The following CSTPP1 variants were observed in gnomAD, a reference collection of about 807,000 sequenced individuals.
CSTPP1 encodes UPF0705 protein C11orf49.
At chr11:46,991,196 GTTT>G in the CSTPP1 span, among the ~76,000 whole-genome samples, 1 of 136,226 alleles carries the variant, frequency 7.3e-6, no homozygotes. Context: ...CTTGAACATA[GTTT>G]TTTTTTTTTT....
chr11:47,065,975 A>AG, the CSTPP1 span, among the ~76,000 whole-genome samples: 3 of 34,940 alleles, frequency 8.6e-5, no homozygotes, highest in South Asian at 3.0e-3. Context: ...TAGGTCTAAC[A>AG]GTTGTGTGTG....
At chr11:47,090,141 C>T in the CSTPP1 span, among the ~76,000 whole-genome samples, 1 of 152,092 alleles carries the variant, frequency 6.6e-6, no homozygotes, top group Non-Finnish European at 1.5e-5. Flanking sequence ...GCCACCATGC[C>T]CAGCTAATTT....
chr11:47,102,183 A>G, the CSTPP1 span, among the ~76,000 whole-genome samples: 395 of 152,312 alleles, frequency 2.6e-3, no homozygotes, highest in African/African-American at 9.1e-3. Context: ...ACTGCCAAAA[A>G]GTAAGCCATT....
the CSTPP1 span, among the ~76,000 whole-genome samples, chr11:47,102,349 C>T: frequency 6.6e-6 from 1 of 150,928 alleles, no homozygotes; most frequent in Admixed American, 6.6e-5. Flanking sequence ...TTTGATGGTT[C>T]ACTTTGGGAG....
the CSTPP1 span, chr11:47,161,226 G>T: frequency 1.9e-6 from 3 of 1,614,088 alleles, no homozygotes; most frequent in Non-Finnish European, 2.5e-6. Flanking sequence ...CCCCCTTGTG[G>T]GGGCCAGACG....
the CSTPP1 span, among the ~76,000 whole-genome samples, chr11:46,948,690 A>C: frequency 3.9e-5 from 6 of 152,206 alleles, no homozygotes; most frequent in African/African-American, 1.4e-4. Context: ...CATCATTTAC[A>C]ATGCTGGTGC....
chr11:47,048,197 G>A, the CSTPP1 span, among the ~76,000 whole-genome samples: 11,910 of 152,260 alleles, frequency 0.078, 489 homozygotes, highest in Non-Finnish European at 0.089. Context: ...ACAGATACTT[G>A]TATACAAATC....
At chr11:46,977,967 T>C in the CSTPP1 span, among the ~76,000 whole-genome samples, 1 of 152,146 alleles carries the variant, frequency 6.6e-6, no homozygotes, top group East Asian at 1.9e-4. Flanking sequence ...ACACTAACAT[T>C]GTAATAGAAT....
the CSTPP1 span, among the ~76,000 whole-genome samples, chr11:46,981,241 A>C: frequency 6.6e-6 from 1 of 151,946 alleles, no homozygotes. Context: ...TTTATAAAAG[A>C]TCTCCAGACA....
chr11:47,126,270 C>T, the CSTPP1 span, among the ~76,000 whole-genome samples: 1 of 152,068 alleles, frequency 6.6e-6, no homozygotes, highest in African/African-American at 2.4e-5. Flanking sequence ...TGGAGCCACC[C>T]TAGGACAAAA....
the CSTPP1 span, among the ~76,000 whole-genome samples, chr11:46,975,626 A>G: frequency 6.6e-6 from 1 of 152,200 alleles, no homozygotes; most frequent in Non-Finnish European, 1.5e-5. Flanking sequence ...TACAAATGAA[A>G]TGTTGGCTTT....
chr11:47,154,042 C>A, the CSTPP1 span, among the ~76,000 whole-genome samples: 1 of 151,946 alleles, frequency 6.6e-6, no homozygotes, highest in Non-Finnish European at 1.5e-5. Context: ...CAGGTTCAAG[C>A]GCTTCTCCTG....
the CSTPP1 span, among the ~76,000 whole-genome samples, chr11:47,077,556 T>C: frequency 1.3e-5 from 2 of 152,188 alleles, no homozygotes; most frequent in African/African-American, 4.8e-5. Context: ...TTATGCAGCC[T>C]TTCTCATGAA....
the CSTPP1 span, among the ~76,000 whole-genome samples, chr11:47,061,099 T>A: frequency 1.3e-5 from 2 of 152,220 alleles, no homozygotes; most frequent in Admixed American, 1.3e-4. Context: ...TTTCCTTTTT[T>A]TTCTTTCATC....
chr11:47,116,247 A>G, the CSTPP1 span, among the ~76,000 whole-genome samples: 2 of 152,300 alleles, frequency 1.3e-5, no homozygotes, highest in African/African-American at 4.8e-5. Flanking sequence ...TATGTGGTCA[A>G]TTTTAGAATA....
chr11:47,110,890 CTTT>C, the CSTPP1 span, among the ~76,000 whole-genome samples: 2 of 125,474 alleles, frequency 1.6e-5, no homozygotes, highest in African/African-American at 2.9e-5. Flanking sequence ...GAGAACACAT[CTTT>C]TTTTTTTTTT....
the CSTPP1 span, among the ~76,000 whole-genome samples, chr11:47,145,568 C>T: frequency 1.3e-5 from 2 of 152,072 alleles, no homozygotes; most frequent in Non-Finnish European, 2.9e-5. Context: ...GCTGAGATCG[C>T]ACCATTGCAC....
the CSTPP1 span, among the ~76,000 whole-genome samples, chr11:47,017,506 A>C: frequency 1.3e-5 from 2 of 151,900 alleles, no homozygotes; most frequent in African/African-American, 4.8e-5. Context: ...GTATATATAC[A>C]GAACAATTTC....
chr11:47,061,773 T>C, the CSTPP1 span, among the ~76,000 whole-genome samples: 6 of 152,218 alleles, frequency 3.9e-5, no homozygotes, highest in Admixed American at 3.9e-4. Flanking sequence ...TGTTTATTTC[T>C]CCTGAGTTCC....
Sources: gnomAD v4.1 joint callset for allele counts (sites outside exome capture counted in the v4.1 genomes callset) on GRCh38, gnomAD v4.1.1 for gene constraint, MANE v1.5 for transcripts, NCBI Gene and HGNC (gene_info 2026-07-23, HGNC 2026-07-21) for gene names.